The following CADM2 variants were observed in gnomAD, a reference collection of about 807,000 sequenced individuals.
CADM2 encodes immunoglobulin superfamily member 4D.
Under a neutral mutation model 49.8 loss-of-function variants are expected in CADM2, and 12 were observed. That is an observed-to-expected ratio of 0.24 (90% CI 0.15 to 0.39). The LOEUF is 0.39. Among genes scored for constraint, CADM2 ranks in the 10% least tolerant of loss-of-function variants. CADM2 has a pLI of 1.00. For missense variants in CADM2, 378 were observed against 492.3 expected, an observed-to-expected ratio of 0.77 and a Z score of 2.20; for synonymous variants, 214 against 175.4, an observed-to-expected ratio of 1.22 and a Z score of -1.74.
At chr3:85,783,538 T>A (rs999836319) in intron 2 of CADM2, among the ~76,000 whole-genome samples, 96 of 152,296 alleles carry the variant, frequency 6.3e-4, no homozygotes, top group African/African-American at 2.3e-3. Context: ...TAGGGAGAGT[T>A]GACGCTTATC....
In CADM2 at chr3:84,964,293, C is replaced by G. The variant is rs577707644; in HGVS notation, c.61+4625C>G. On this transcript the variant is annotated intron_variant, in intron 1 of 9. Transcript: ENST00000383699. ...CAAAAATGTTGGAAGACATCCTAAG[C>G]ATGCATTTGAAAGTGGCCTGGAATC... 2.6e-5 allele frequency among the ~76,000 whole-genome samples: 4 copies of G among 152,242 alleles called. No homozygotes were observed. In the South Asian group the frequency reaches 8.3e-4, roughly 32 times the overall value.
intron 1 of CADM2, among the ~76,000 whole-genome samples, chr3:85,511,314 A>T (rs1052567633): frequency 5.9e-5 from 9 of 152,096 alleles, no homozygotes; most frequent in African/African-American, 2.2e-4. Flanking sequence ...AAAATGTGAC[A>T]TTTCCAGTCT....
chr3:85,786,822 C>T (rs1321797341), intron 2 of CADM2, among the ~76,000 whole-genome samples: 5 of 151,768 alleles, frequency 3.3e-5, no homozygotes, highest in African/African-American at 1.2e-4. Context: ...GTTACCTTGG[C>T]GATAAAAACT....
intron 1 of CADM2, among the ~76,000 whole-genome samples, chr3:85,132,246 G>T (rs1161129266): frequency 6.6e-6 from 1 of 152,102 alleles, no homozygotes; most frequent in African/African-American, 2.4e-5. Context: ...TTTAGCTTTG[G>T]ACTGTCTTAG....
intron 1 of CADM2, among the ~76,000 whole-genome samples, chr3:85,233,172 G>T (rs1038274821): frequency 6.6e-5 from 10 of 152,114 alleles, no homozygotes; most frequent in Admixed American, 2.6e-4. Context: ...TAACTTTATG[G>T]CATTTTGGAA....
At chr3:85,058,876 A>G (rs1364984789) in intron 1 of CADM2, among the ~76,000 whole-genome samples, 2 of 152,044 alleles carry the variant, frequency 1.3e-5, no homozygotes, top group East Asian at 3.8e-4. Context: ...TTTATATATA[A>G]CACAGAAAAA....
At chr3:85,276,732 G>GTT (rs2043365119) in intron 1 of CADM2, among the ~76,000 whole-genome samples, 1 of 151,242 alleles carries the variant, frequency 6.6e-6, no homozygotes. Flanking sequence ...GTAGCAAAGT[G>GTT]TACAGTATAT....
At chr3:85,953,541 T>G (rs1723696808) in intron 7 of CADM2, among the ~76,000 whole-genome samples, 1 of 150,968 alleles carries the variant, frequency 6.6e-6, no homozygotes, top group Non-Finnish European at 1.5e-5. Context: ...TCAAGAGTTT[T>G]ATTTTTCATA....
At chr3:85,969,170 C>A (rs936799354) in intron 8 of CADM2, among the ~76,000 whole-genome samples, 4 of 151,522 alleles carry the variant, frequency 2.6e-5, no homozygotes, top group African/African-American at 9.7e-5. Flanking sequence ...CTCTTCATGT[C>A]GTTTCCCCAT....
At chr3:85,717,828 C>T (rs2067351587) in intron 1 of CADM2, among the ~76,000 whole-genome samples, 1 of 152,116 alleles carries the variant, frequency 6.6e-6, no homozygotes, top group Non-Finnish European at 1.5e-5. Context: ...AGTGCAATGG[C>T]ACTATCGTGG....
chr3:85,901,427 CTATTT>C (rs1232602494), intron 5 of CADM2, among the ~76,000 whole-genome samples: 1 of 152,064 alleles, frequency 6.6e-6, no homozygotes, highest in Admixed American at 6.5e-5. Context: ...TCATTGTCTG[CTATTT>C]TATTTACTAG....
intron 1 of CADM2, among the ~76,000 whole-genome samples, chr3:85,574,246 G>T (rs1180445322): frequency 6.6e-6 from 1 of 152,152 alleles, no homozygotes; most frequent in East Asian, 1.9e-4. Context: ...TCACTCCATG[G>T]CTAATCATAA....
At chr3:86,005,887 T>A (rs1485734968) in intron 8 of CADM2, among the ~76,000 whole-genome samples, 1 of 152,110 alleles carries the variant, frequency 6.6e-6, no homozygotes, top group African/African-American at 2.4e-5. Context: ...TCCCAGCCTC[T>A]GGTAGCCATC....
chr3:85,311,058 A>G (rs1025826007), intron 1 of CADM2, among the ~76,000 whole-genome samples: 3 of 152,264 alleles, frequency 2.0e-5, no homozygotes, highest in East Asian at 3.9e-4. Flanking sequence ...AACATCCAAA[A>G]GAAAATAACT....
At chr3:85,315,214 C>G (rs2044435655) in intron 1 of CADM2, among the ~76,000 whole-genome samples, 1 of 152,150 alleles carries the variant, frequency 6.6e-6, no homozygotes, top group South Asian at 2.1e-4. Context: ...ACCTTGAATT[C>G]TTGGTCTCAG....
chr3:86,063,026 AAAG>A (rs1018505413), intron 8 of CADM2, among the ~76,000 whole-genome samples: 2 of 152,150 alleles, frequency 1.3e-5, no homozygotes, highest in African/African-American at 4.8e-5. Context: ...AACTGAAAGC[AAAG>A]AAGATGTTTG....
intron 1 of CADM2, among the ~76,000 whole-genome samples, chr3:85,352,931 T>TTTTAA (rs1175377177): frequency 1.3e-5 from 2 of 152,058 alleles, no homozygotes; most frequent in African/African-American, 2.4e-5. Flanking sequence ...TACAGAGAGA[T>TTTTAA]TTTAATTTAA....
In CADM2 at chr3:85,972,286, G is replaced by A. The variant is rs550537640; in HGVS notation, c.970+10639G>A. ...GTCAGTCAGTGCAATTAGTAGTAAG[G>A]AAAACTACCCTATTATTTTTTAAGA... On this transcript the variant is annotated intron_variant, in intron 8 of 9. Transcript: ENST00000383699. Among the ~76,000 whole-genome samples the A allele has an allele frequency of 2.0e-5, 3 of 151,696 alleles. No homozygotes were observed. In the East Asian group the frequency reaches 5.9e-4, roughly 30 times the overall value.
intron 1 of CADM2, among the ~76,000 whole-genome samples, chr3:85,088,268 G>A (rs1487218442): frequency 1.3e-5 from 2 of 152,022 alleles, no homozygotes; most frequent in Non-Finnish European, 2.9e-5. Flanking sequence ...ACCAGCTGGG[G>A]CACATGTATC....
Sources: gnomAD v4.1 joint callset for allele counts (sites outside exome capture counted in the v4.1 genomes callset) on GRCh38, gnomAD v4.1.1 for gene constraint, MANE v1.5 for transcripts, NCBI Gene and HGNC (gene_info 2026-07-23, HGNC 2026-07-21) for gene names.